Variants in XKR9 observed in about 807,000 individuals in gnomAD.
XKR9 encodes XK-related protein 9.
XKR9 carries 32 observed loss-of-function variants against 32.0 expected under a neutral mutation model. That is an observed-to-expected ratio of 1.00 (90% CI 0.76 to 1.34). The LOEUF (loss-of-function observed/expected upper bound fraction) is 1.34. Among genes scored for constraint, XKR9 ranks in the 40% most tolerant of loss-of-function variants. The pLI, the probability that XKR9 is intolerant of heterozygous loss-of-function variation, is 0.00. For missense variants in XKR9, 546 were observed against 429.7 expected, an observed-to-expected ratio of 1.27 and a Z score of -2.39; for synonymous variants, 168 against 143.4, an observed-to-expected ratio of 1.17 and a Z score of -1.22.
At chr8:71,023,241 A>G in the XKR9 span, among the ~76,000 whole-genome samples, 12 of 151,802 alleles carry the variant, frequency 7.9e-5, no homozygotes, top group African/African-American at 2.7e-4. Context: ...GTTTCTTCCA[A>G]TTTTTTGGAT....
chr8:70,877,762 C>T, the XKR9 span, among the ~76,000 whole-genome samples: 1 of 152,252 alleles, frequency 6.6e-6, no homozygotes, highest in African/African-American at 2.4e-5. Context: ...AGGAGAACTT[C>T]CCCAACATAG....
intron 2 of XKR9, among the ~76,000 whole-genome samples, chr8:70,755,639 C>G (rs1233107187): frequency 6.6e-6 from 1 of 151,502 alleles, no homozygotes; most frequent in Non-Finnish European, 1.5e-5. Context: ...AATCATCATT[C>G]TCAGTAAACT....
chr8:70,924,056 T>C, the XKR9 span, among the ~76,000 whole-genome samples: 1 of 152,224 alleles, frequency 6.6e-6, no homozygotes, highest in African/African-American at 2.4e-5. Flanking sequence ...TTTCCTTGCC[T>C]GATTTCATTG....
chr8:70,992,645 A>AAGAC, the XKR9 span, among the ~76,000 whole-genome samples: 2 of 152,234 alleles, frequency 1.3e-5, no homozygotes, highest in East Asian at 3.9e-4. Context: ...AGGAGACTAG[A>AAGAC]AGACAGGAGA....
intron 2 of XKR9, among the ~76,000 whole-genome samples, chr8:70,757,173 A>G (rs1807238975): frequency 6.6e-6 from 1 of 151,892 alleles, no homozygotes; most frequent in Non-Finnish European, 1.5e-5. Flanking sequence ...TTAGCTTTGA[A>G]TTCTTGGTGA....
intron 4 of XKR9, among the ~76,000 whole-genome samples, chr8:70,724,406 G>T (rs979409750): frequency 6.8e-6 from 1 of 146,708 alleles, no homozygotes; most frequent in Admixed American, 7.0e-5. Context: ...TGTCTTGCTG[G>T]TGTTCCAAGT....
At chr8:70,970,477 C>T in the XKR9 span, among the ~76,000 whole-genome samples, 1 of 152,006 alleles carries the variant, frequency 6.6e-6, no homozygotes. Flanking sequence ...TAGCTGCCCA[C>T]CCCCCAACAG....
At chr8:71,010,977 T>C in the XKR9 span, among the ~76,000 whole-genome samples, 1 of 152,152 alleles carries the variant, frequency 6.6e-6, no homozygotes, top group East Asian at 1.9e-4. Flanking sequence ...GTGATTAAAA[T>C]GTCTGGATCC....
the XKR9 span, among the ~76,000 whole-genome samples, chr8:71,013,294 G>A: frequency 6.6e-6 from 1 of 152,156 alleles, no homozygotes; most frequent in Non-Finnish European, 1.5e-5. Flanking sequence ...CAGCAGGGAT[G>A]AATGGCTGGT....
chr8:70,670,943 G>A (rs1449491421), intron 1 of XKR9, among the ~76,000 whole-genome samples: 1 of 152,160 alleles, frequency 6.6e-6, no homozygotes, highest in Non-Finnish European at 1.5e-5. Flanking sequence ...AGTGAACCCT[G>A]GAGAAGAGGA....
At chr8:70,856,148 G>A in the XKR9 span, among the ~76,000 whole-genome samples, 1 of 152,106 alleles carries the variant, frequency 6.6e-6, no homozygotes. Flanking sequence ...AAATATAAAT[G>A]GGCGAAATGC....
the XKR9 span, among the ~76,000 whole-genome samples, chr8:70,798,323 T>G: frequency 2.0e-4 from 31 of 152,232 alleles, no homozygotes; most frequent in Non-Finnish European, 3.4e-4. Flanking sequence ...TTGAGCATGT[T>G]TTCATATGCT....
chr8:71,047,948 C>T, the XKR9 span, among the ~76,000 whole-genome samples: 1 of 152,132 alleles, frequency 6.6e-6, no homozygotes, highest in Non-Finnish European at 1.5e-5. Context: ...GTGAGGTAAC[C>T]CCCAAGTGGT....
intron 4 of XKR9, 59 bp from the exon 5 acceptor site, chr8:70,733,737 G>C: frequency 7.2e-7 from 1 of 1,392,436 alleles, no homozygotes; most frequent in Non-Finnish European, 9.4e-7. Flanking sequence ...ATGGGATATA[G>C]TAATCTAATA....
chr8:70,772,988 A>T (rs1448841609), intron 2 of XKR9, among the ~76,000 whole-genome samples: 1 of 152,228 alleles, frequency 6.6e-6, no homozygotes, highest in Non-Finnish European at 1.5e-5. Flanking sequence ...GGAAATCAAT[A>T]GGTCATGAAA....
At chr8:70,889,832 TAGG>T in the XKR9 span, among the ~76,000 whole-genome samples, 4 of 152,152 alleles carry the variant, frequency 2.6e-5, no homozygotes, top group Non-Finnish European at 2.9e-5. Context: ...GATAGGCACT[TAGG>T]TTGATTCCAC....
chr8:70,691,290 C>T (rs1223547110), intron 3 of XKR9, among the ~76,000 whole-genome samples: 1 of 152,054 alleles, frequency 6.6e-6, no homozygotes, highest in Non-Finnish European at 1.5e-5. Flanking sequence ...TGTTTAAGTT[C>T]CTTATAGATA....
At chr8:70,896,086 T>C in the XKR9 span, among the ~76,000 whole-genome samples, 1 of 152,244 alleles carries the variant, frequency 6.6e-6, no homozygotes, top group South Asian at 2.1e-4. Flanking sequence ...GAATTGTACT[T>C]TTATATGTTG....
At chr8:70,839,752 A>G in the XKR9 span, among the ~76,000 whole-genome samples, 1 of 152,306 alleles carries the variant, frequency 6.6e-6, no homozygotes, top group Admixed American at 6.5e-5. Context: ...ATAATAGCAT[A>G]TACTCTGGGG....
Sources: gnomAD v4.1 joint callset for allele counts (sites outside exome capture counted in the v4.1 genomes callset) on GRCh38, gnomAD v4.1.1 for gene constraint, MANE v1.5 for transcripts, NCBI Gene and HGNC (gene_info 2026-07-23, HGNC 2026-07-21) for gene names.